CDCA5: variants seen among roughly 807,000 people sequenced by gnomAD.
The protein encoded by CDCA5 is cell division cycle associated 5.
In CDCA5, 14 loss-of-function variants were observed where a neutral mutation model predicts 25.7. The observed-to-expected ratio is 0.54, with a 90% CI of 0.36 to 0.85. The LOEUF (loss-of-function observed/expected upper bound fraction) is 0.85, where lower values mean the gene tolerates loss of function less well. Among genes scored for constraint, CDCA5 ranks in the 40% least tolerant of loss-of-function variants. CDCA5 has a pLI of 0.01. For missense variants in CDCA5, 307 were observed against 324.5 expected, an observed-to-expected ratio of 0.95 and a Z score of 0.41; for synonymous variants, 127 against 128.7, an observed-to-expected ratio of 0.99 and a Z score of 0.09.
At position 65,083,698 on chromosome 11, in the gene CDCA5, CTT is replaced by C. The variant is rs1565292980; in HGVS notation, c.70_71del (p.Lys24AlafsTer12). 6.2e-7 allele frequency: 1 copy of C among 1,614,062 alleles called. No homozygotes were observed. Among genetic ancestry groups the C allele is most frequent in the Admixed American group, 1.7e-5 (1 of 59,994 alleles). ...ATTTCCGCTGGGACCTCCGCAGAGG[CTT>C]AGTAGGAGATGGGGCCCTTGGCCCT... ...RSGPRAPSPT[K>X]PLRRSQRKSG... On this transcript the variant is annotated frameshift_variant, in exon 2 of 6. Transcript: ENST00000275517. LOFTEE classifies it high-confidence loss of function.
the CDCA5 span, among the ~76,000 whole-genome samples, chr11:65,061,286 T>C: frequency 1.3e-5 from 2 of 151,982 alleles, no homozygotes; most frequent in African/African-American, 2.4e-5. Flanking sequence ...ATAAACCAAC[T>C]TGGAAATGGG....
In CDCA5 at chr11:65,079,961, GCTCACTGCAAGCTC is replaced by G. The variant is rs1947531859; in HGVS notation, c.244-188_244-175del. Reference sequence around the variant, plus strand: ...GCTGGAGTGCAGTGGCATGATCTCGGCTCACTGCAAGCTCCGCCTCCCGGGTTCACGCCATTCTC... The same window carrying G: ...GCTGGAGTGCAGTGGCATGATCTCGGCGCCTCCCGGGTTCACGCCATTCTC... On this transcript the variant is annotated intron_variant, in intron 4 of 5. Transcript: ENST00000275517. Among the ~76,000 whole-genome samples, 12 of 151,302 alleles carry G rather than the reference GCTCACTGCAAGCTC, an allele frequency of 7.9e-5. No individual in the cohort carries two copies. The South Asian group carries it at 2.5e-3, about 32-fold the overall frequency.
downstream of CDCA5, among the ~76,000 whole-genome samples, chr11:65,072,582 C>T (rs543474308): frequency 6.6e-6 from 1 of 152,342 alleles, no homozygotes; most frequent in East Asian, 1.9e-4. Context: ...CCTGACTCCA[C>T]CTGTGCCCCT....
chr11:65,079,484 C>T lies in CDCA5; in HGVS notation c.547G>A (p.Val183Met). The change falls in exon 5 of 6, where the codon GTG becomes ATG. Residue 183 changes from valine to methionine, a missense_variant. Physicochemically the swap from Val to Met is conservative, Grantham distance 21. Coordinates refer to ENST00000275517, the MANE Select transcript of CDCA5 (RefSeq NM_080668.4). ...GAEDLSGVSP[V>M]VCSKLTEVPR... ...ACCTCGGTGAGTTTGGAGCACACCACTGGCGAGACTCCGGACAAGTCTTCT... is the reference window on the plus strand; with the variant it reads ...ACCTCGGTGAGTTTGGAGCACACCATTGGCGAGACTCCGGACAAGTCTTCT... 1 of 1,614,214 alleles carries T rather than the reference C, an allele frequency of 6.2e-7. No homozygotes were observed. The highest frequency in any genetic ancestry group is 8.5e-7 in the Non-Finnish European group (1 of 1,180,036).
At chr11:65,080,112 G>A (rs978483931) in intron 4 of CDCA5, among the ~76,000 whole-genome samples, 2 of 152,062 alleles carry the variant, frequency 1.3e-5, no homozygotes, top group African/African-American at 2.4e-5. Flanking sequence ...GGAGGGTCTC[G>A]ATTTCCTGAC....
At chr11:65,061,229 G>A in the CDCA5 span, among the ~76,000 whole-genome samples, 25 of 152,150 alleles carry the variant, frequency 1.6e-4, no homozygotes, top group Non-Finnish European at 1.3e-4. Context: ...ATGGTGAGGC[G>A]CTAAAGCCTC....
Position 65,077,546 on chromosome 11 carries a change from C to G in CDCA5, c.*1561G>C, listed in dbSNP as rs2137115590. ...AATTTAGTTCCTCAGGAACAGAGAA[C>G]TTTGCAATGATGATCTCAACTCTGC... On this transcript the variant is annotated 3_prime_UTR_variant, in exon 6 of 6. Coordinates refer to ENST00000275517, the MANE Select transcript of CDCA5 (RefSeq NM_080668.4). The G allele has an allele frequency of 1.0e-6, 1 of 985,434 alleles. No homozygotes were observed. The highest frequency in any genetic ancestry group is 1.2e-6 in the Non-Finnish European group (1 of 829,924). The allele number at this position is 985,434 out of a possible 1,614,324, so 61.0% of individuals were successfully genotyped here. A position where few individuals can be genotyped will look rare whatever the true frequency, so the allele number is the denominator to read the frequency against.
In CDCA5 at chr11:65,078,546, C is replaced by T; in HGVS notation, c.*561G>A. The T allele has an allele frequency of 1.0e-6, 1 of 985,768 alleles. No homozygotes were observed. Among genetic ancestry groups the T allele is most frequent in the Non-Finnish European group, 1.2e-6 (1 of 830,150 alleles). The allele number at this position is 985,768 out of a possible 1,614,324, so 61.1% of individuals were successfully genotyped here. ...CCACAGGCTGAATGTCCAGCTTCTT[C>T]CTCCAAGACAGAATTGCCCTCAGCC... On this transcript the variant is annotated 3_prime_UTR_variant, in exon 6 of 6. Coordinates refer to ENST00000275517, the MANE Select transcript of CDCA5 (RefSeq NM_080668.4).
downstream of CDCA5, among the ~76,000 whole-genome samples, chr11:65,065,787 T>C (rs1293426716): frequency 6.6e-6 from 1 of 151,808 alleles, no homozygotes; most frequent in Non-Finnish European, 1.5e-5. Flanking sequence ...GGCTCCTGGG[T>C]TGGAGGTGAA....
chr11:65,061,149 C>A, the CDCA5 span, among the ~76,000 whole-genome samples: 177 of 152,336 alleles, frequency 1.2e-3, no homozygotes, highest in African/African-American at 3.9e-3. Flanking sequence ...CCTGGATGTG[C>A]CTGCAGAGTC....
chr11:65,078,068 C>T lies in CDCA5; in HGVS notation c.*1039G>A, dbSNP rs1269005178. 2.0e-6 allele frequency: 2 copies of T among 985,358 alleles called. No individual in the cohort carries two copies. Among genetic ancestry groups the T allele is most frequent in the Non-Finnish European group, 2.4e-6 (2 of 829,938 alleles). The allele number at this position is 985,358 out of a possible 1,614,324, so 61.0% of individuals were successfully genotyped here. ...GTTCTCATGTGAGAGGATAGGGAGG[C>T]CAAAAACTAAAATTGCTATCAGCCC... On this transcript the variant is annotated 3_prime_UTR_variant, in exon 6 of 6. Coordinates refer to ENST00000275517, the MANE Select transcript of CDCA5 (RefSeq NM_080668.4).
At chr11:65,062,739 C>A (rs554205782), downstream of CDCA5, among the ~76,000 whole-genome samples, 14 of 152,282 alleles carry the variant, frequency 9.2e-5, 1 homozygote, top group South Asian at 1.0e-3. Flanking sequence ...CAAGACCAGC[C>A]TGGGCAACAT....
rs1488498434 is a variant in CDCA5 at position 65,083,494 on chromosome 11, A to G, written c.198T>C (p.His66=). The G allele has an allele frequency of 6.2e-7, 1 of 1,614,194 alleles. No individual in the cohort carries two copies. The change falls in exon 3 of 6, where the codon CAT becomes CAC. Residue 66 remains histidine, a synonymous_variant. Transcript: ENST00000275517. ...TCTCCTTAGCCTTTACCTCTACAGC[A>G]TGGGCCACGATCCTCTTTAAGACGA... The part of the protein sequence containing the change: ...KPIVLKRIVA[H]AVEVPAVQSP...
intron 1 of CDCA5, among the ~76,000 whole-genome samples, chr11:65,068,848 A>G (rs1947290743): frequency 6.6e-6 from 1 of 152,254 alleles, no homozygotes; most frequent in Non-Finnish European, 1.5e-5. Flanking sequence ...AATGTTTGGG[A>G]TATACTTACA....
At position 65,079,050 on chromosome 11, in the gene CDCA5, GGTGGCTAT is replaced by G; in HGVS notation, c.*49_*56del. On this transcript the variant is annotated 3_prime_UTR_variant, in exon 6 of 6. Coordinates refer to ENST00000275517, the MANE Select transcript of CDCA5 (RefSeq NM_080668.4). ...ACCCTAAGTGTCCTCTCCACAGGGA[GGTGGCTAT>G]GTACAGGACAGGAGGGAGAGTCTGG... 1 of 1,460,700 alleles carries G rather than the reference GGTGGCTAT, an allele frequency of 6.8e-7. No individual in the cohort carries two copies. The highest frequency in any genetic ancestry group is 9.0e-7 in the Non-Finnish European group (1 of 1,106,012). The allele number at this position is 1,460,700 out of a possible 1,614,324, so 90.5% of individuals were successfully genotyped here. A position where few individuals can be genotyped will look rare whatever the true frequency, so the allele number is the denominator to read the frequency against.
chr11:65,063,613 C>T (rs118153151), downstream of CDCA5, among the ~76,000 whole-genome samples: 4,436 of 152,304 alleles, frequency 0.029, 95 homozygotes, highest in Middle Eastern at 0.071. Flanking sequence ...TGCACATTCA[C>T]GAAGCTATCC....
Position 65,078,902 on chromosome 11 carries a change from C to G in CDCA5, c.*205G>C. ...CAAGAGACAGGACACCAGTGAGTGG[C>G]TGGGCCAGGCGGCCCCATTTCCTAA... On this transcript the variant is annotated 3_prime_UTR_variant, in exon 6 of 6. Coordinates refer to ENST00000275517, the MANE Select transcript of CDCA5 (RefSeq NM_080668.4). The G allele has an allele frequency of 8.0e-7, 1 of 1,254,474 alleles. No individual in the cohort carries two copies. The highest frequency in any genetic ancestry group is 3.6e-5 in the South Asian group (1 of 27,616). 77.7% of individuals were successfully genotyped at this position (1,254,474 alleles called of 1,614,324 possible).
At chr11:65,064,214 C>A (rs758773952), downstream of CDCA5, among the ~76,000 whole-genome samples, 51 of 152,068 alleles carry the variant, frequency 3.4e-4, 1 homozygote, top group Middle Eastern at 0.01. Flanking sequence ...GTCAGGAGAT[C>A]GAGACCACCC....
At chr11:65,069,581 A>C (rs1032092045) in intron 1 of CDCA5, among the ~76,000 whole-genome samples, 1 of 152,114 alleles carries the variant, frequency 6.6e-6, no homozygotes. Flanking sequence ...TCACCAGGAG[A>C]ACCTGGCTGC....
Sources: allele counts gnomAD v4.1 joint callset (sites outside exome capture counted in the v4.1 genomes callset), GRCh38; gene constraint gnomAD v4.1.1; transcripts MANE v1.5; gene names NCBI Gene and HGNC (gene_info 2026-07-23, HGNC 2026-07-21).